HMCN1: variants seen among roughly 807,000 people sequenced by gnomAD.
HMCN1 encodes the protein hemicentin 1, also known as hemicentin-1.
In HMCN1, 321 loss-of-function variants were observed where a neutral mutation model predicts 625.9. The observed-to-expected ratio is 0.51, with a 90% CI of 0.47 to 0.56. The LOEUF is 0.56. HMCN1 is among the 20% of genes least tolerant of loss of function. The probability of loss-of-function intolerance (pLI) is 0.00; values close to 1 mark genes in which losing one functional copy is unlikely to be tolerated. For synonymous variants in HMCN1, 2,425 were observed against 2,417.6 expected (o/e 1.00, Z -0.09); for missense variants, 6,588 against 6,887.3 (o/e 0.96, Z 1.54).
intron 1 of HMCN1, among the ~76,000 whole-genome samples, chr1:185,736,214 G>A (rs1653560302): frequency 6.6e-6 from 1 of 152,066 alleles, no homozygotes; most frequent in African/African-American, 2.4e-5. Flanking sequence ...TTCACATGAT[G>A]AAAACAATCT....
Position 186,064,386 on chromosome 1 carries a change from G to T in HMCN1, c.7514-852G>T, listed in dbSNP as rs909256713. ...TAATTAATATATTTTTATCTCTATTGATCAGTTCAATATTCTTCCATCTAT... is the reference window on the plus strand; with the variant it reads ...TAATTAATATATTTTTATCTCTATTTATCAGTTCAATATTCTTCCATCTAT... On this transcript the variant is annotated intron_variant, in intron 48 of 106. Transcript: ENST00000271588. Among the ~76,000 whole-genome samples the T allele has an allele frequency of 2.0e-5, 3 of 151,838 alleles. No homozygotes were observed. The South Asian group carries it at 6.2e-4, about 32-fold the overall frequency.
intron 1 of HMCN1, among the ~76,000 whole-genome samples, chr1:185,798,525 A>G (rs975999434): frequency 1.3e-5 from 2 of 152,070 alleles, no homozygotes; most frequent in Non-Finnish European, 2.9e-5. Flanking sequence ...AGATTTGAAC[A>G]TTTTACATAA....
chr1:185,945,421 A>T (rs1190210179), intron 11 of HMCN1, among the ~76,000 whole-genome samples: 2 of 152,208 alleles, frequency 1.3e-5, no homozygotes, highest in Non-Finnish European at 2.9e-5. Context: ...TTATTTATTC[A>T]CAAAAAAAAT....
At chr1:186,032,494 G>T (rs1655523534) in intron 36 of HMCN1, among the ~76,000 whole-genome samples, 1 of 152,104 alleles carries the variant, frequency 6.6e-6, no homozygotes, top group Non-Finnish European at 1.5e-5. Context: ...AATCATGGGA[G>T]TAAGTTCTCA....
At chr1:186,020,428 G>A (rs1654648905) in intron 35 of HMCN1, among the ~76,000 whole-genome samples, 1 of 151,984 alleles carries the variant, frequency 6.6e-6, no homozygotes, top group Non-Finnish European at 1.5e-5. Context: ...AGACGTGGTG[G>A]ATATCTGTTA....
At chr1:186,134,598 A>T (rs1649480581) in intron 86 of HMCN1, among the ~76,000 whole-genome samples, 1 of 152,154 alleles carries the variant, frequency 6.6e-6, no homozygotes, top group African/African-American at 2.4e-5. Context: ...ACCTCACATG[A>T]AGGAATTACT....
At chr1:186,124,114 G>A (rs889148684) in intron 81 of HMCN1, among the ~76,000 whole-genome samples, 4 of 151,962 alleles carry the variant, frequency 2.6e-5, no homozygotes, top group Non-Finnish European at 5.9e-5. Flanking sequence ...CTTCTCAAAT[G>A]TCTATAGAAA....
chr1:186,128,433 AT>A, intron 83 of HMCN1, 142 bp downstream of exon 83: 1 of 714,250 alleles, frequency 1.4e-6, no homozygotes, highest in Non-Finnish European at 2.4e-6. Flanking sequence ...CTCTGCTTGG[AT>A]TTTACCCTCT....
chr1:186,123,708 C>A (rs1398758316), intron 81 of HMCN1, among the ~76,000 whole-genome samples: 1 of 151,936 alleles, frequency 6.6e-6, no homozygotes, highest in East Asian at 1.9e-4. Context: ...ATTAAGACAA[C>A]AAAATATTGA....
intron 100 of HMCN1, among the ~76,000 whole-genome samples, chr1:186,168,870 C>T (rs1652053811): frequency 1.3e-5 from 2 of 152,058 alleles, no homozygotes; most frequent in South Asian, 4.2e-4. Flanking sequence ...CCCATCAACC[C>T]GTCACCTACA....
At chr1:185,950,970 A>G (rs1418916855) in intron 11 of HMCN1, among the ~76,000 whole-genome samples, 145 of 150,494 alleles carry the variant, frequency 9.6e-4, no homozygotes, top group Non-Finnish European at 3.0e-4. Flanking sequence ...TATAGGCTTT[A>G]AAAGGCCATG....
intron 104 of HMCN1, among the ~76,000 whole-genome samples, 183 bp downstream of exon 104, chr1:186,178,949 A>G (rs1158106199): frequency 6.6e-6 from 1 of 152,200 alleles, no homozygotes; most frequent in Admixed American, 6.5e-5. Flanking sequence ...CAAGTGAATT[A>G]TGGATTTACA....
chr1:185,868,487 C>G (rs936667158), intron 4 of HMCN1, among the ~76,000 whole-genome samples: 2 of 152,128 alleles, frequency 1.3e-5, no homozygotes, highest in African/African-American at 2.4e-5. Flanking sequence ...TGAGCTCTCA[C>G]AAGATCTGAT....
chr1:186,086,507 T>A, intron 58 of HMCN1, 100 bp downstream of exon 58: 1 of 1,243,170 alleles, frequency 8.0e-7, no homozygotes. Context: ...TTGTCGTGCT[T>A]CATTTATTTA....
At chr1:185,888,892 C>T (rs1160610603) in intron 4 of HMCN1, among the ~76,000 whole-genome samples, 1 of 147,440 alleles carries the variant, frequency 6.8e-6, no homozygotes, top group African/African-American at 2.7e-5. Context: ...CTGTAAATTA[C>T]CTTAGGCAGT....
Position 186,151,013 on chromosome 1 carries a change from T to C in HMCN1, c.14609-187T>C, listed in dbSNP as rs566252064. Among the ~76,000 whole-genome samples the C allele has an allele frequency of 1.6e-4, 25 of 152,232 alleles. No individual in the cohort carries two copies. The South Asian group carries it at 3.3e-3, about 20-fold the overall frequency. ...AGGATCTTAGATTTATGGGTGATGATGGTTGTTATGTGAAAGTAGAATGTT... is the reference window on the plus strand; with the variant it reads ...AGGATCTTAGATTTATGGGTGATGACGGTTGTTATGTGAAAGTAGAATGTT... On this transcript the variant is annotated intron_variant, in intron 93 of 106. Transcript: ENST00000271588.
intron 104 of HMCN1, among the ~76,000 whole-genome samples, chr1:186,180,465 A>G (rs1029874017): frequency 1.3e-5 from 2 of 152,168 alleles, no homozygotes; most frequent in African/African-American, 4.8e-5. Context: ...CACACCCTCC[A>G]CACTATACAC....
At chr1:186,084,207 TCTTA>T (rs1490556123) in intron 57 of HMCN1, among the ~76,000 whole-genome samples, 3 of 152,174 alleles carry the variant, frequency 2.0e-5, no homozygotes, top group African/African-American at 7.2e-5. Context: ...GATGGCCATA[TCTTA>T]CTTATCTTGG....
At chr1:186,122,464 A>C (rs1037738070) in intron 80 of HMCN1, among the ~76,000 whole-genome samples, 1 of 152,164 alleles carries the variant, frequency 6.6e-6, no homozygotes, top group African/African-American at 2.4e-5. Context: ...TCCATGATCT[A>C]TTTATGTATT....
Sources: gnomAD v4.1 joint callset for allele counts (sites outside exome capture counted in the v4.1 genomes callset) on GRCh38, gnomAD v4.1.1 for gene constraint, MANE v1.5 for transcripts, NCBI Gene and HGNC (gene_info 2026-07-23, HGNC 2026-07-21) for gene names.